Variants in TMC4 observed in about 807,000 individuals in gnomAD.
TMC4 encodes voltage-gated chloride channel TMC4.
In TMC4, 70 loss-of-function variants were observed where a neutral mutation model predicts 82.0. The ratio of observed to expected loss-of-function variants is 0.85; its 90% CI spans 0.70 to 1.04. TMC4 has a LOEUF of 1.04. Among genes scored for constraint, TMC4 ranks in the 50% least tolerant of loss-of-function variants. The pLI, the probability that TMC4 is intolerant of heterozygous loss-of-function variation, is 0.00. For missense variants in TMC4, 879 were observed against 899.0 expected (o/e 0.98, Z 0.28); for synonymous variants, 446 against 406.0 (o/e 1.10, Z -1.18).
rs553094982 is a variant in TMC4, at chr19:54,164,734, C to G, written c.946-133G>C. 20 of 1,212,236 alleles carry G rather than the reference C, an allele frequency of 1.6e-5. No homozygotes were observed. In the East Asian group the frequency reaches 4.5e-4, roughly 27 times the overall value. 75.1% of individuals were successfully genotyped at this position (1,212,236 alleles called of 1,614,324 possible). On this transcript the variant is annotated intron_variant, in intron 6 of 14. Coordinates refer to ENST00000619895, the MANE Select transcript of TMC4 (RefSeq NM_144686.4). ...CCGTCTCCCCACCCGCTAACAACCT[C>G]TGCAGTCCTGGTTCCACCTGCTCCA... is the stretch of plus-strand genomic sequence containing the variant.
chr19:54,163,715 G>T lies in TMC4; in HGVS notation c.1277+9C>A. On this transcript the variant is annotated intron_variant, in intron 8 of 14. Coordinates refer to ENST00000619895, the MANE Select transcript of TMC4 (RefSeq NM_144686.4). The stretch of plus-strand genomic sequence containing the variant: ...TCATCATTCCCAGCCATCCCCGTGA[G>T]GCTGGAACCTGAGCAGGATAAAAAC... 6.2e-7 allele frequency: 1 copy of T among 1,613,988 alleles called. No homozygotes were observed.
chr19:54,161,852 T>C (rs570978883), intron 11 of TMC4, among the ~76,000 whole-genome samples: 60 of 152,212 alleles, frequency 3.9e-4, no homozygotes, highest in Non-Finnish European at 7.9e-4. Flanking sequence ...TACCTGCCTC[T>C]CCTTTTTTCC....
intron 2 of TMC4, 23 bp downstream of exon 2, chr19:54,171,847 C>G (rs773827989): frequency 2.5e-6 from 4 of 1,572,998 alleles, no homozygotes; most frequent in Non-Finnish European, 3.5e-6. Context: ...CTGTGCGGGT[C>G]CCAGCTGGAG....
At chr19:54,169,993 C>A (rs548857694) in intron 2 of TMC4, among the ~76,000 whole-genome samples, 1 of 151,004 alleles carries the variant, frequency 6.6e-6, no homozygotes, top group Non-Finnish European at 1.5e-5. Context: ...CCCAGCTACA[C>A]GAGAGGCTGA....
chr19:54,161,627 C>T (rs2075557796), intron 11 of TMC4, among the ~76,000 whole-genome samples: 1 of 152,244 alleles, frequency 6.6e-6, no homozygotes, highest in South Asian at 2.1e-4. Context: ...CGACCTTCAC[C>T]TCCCTGGTTC....
chr19:54,168,418 G>A (rs1399221601), intron 4 of TMC4, 30 bp downstream of exon 4: 6 of 1,524,724 alleles, frequency 3.9e-6, no homozygotes, highest in Non-Finnish European at 4.4e-6. Flanking sequence ...ACAGGTGGGC[G>A]GGGAATCCCC....
At chr19:54,164,084 C>T (rs1452431682) in intron 7 of TMC4, among the ~76,000 whole-genome samples, 197 bp from the exon 8 acceptor site, 3 of 151,048 alleles carry the variant, frequency 2.0e-5, no homozygotes, top group Non-Finnish European at 4.4e-5. Context: ...AAGTGATTCT[C>T]CTGCCTCAGC....
intron 2 of TMC4, 36 bp downstream of exon 2, chr19:54,171,834 G>T: frequency 6.5e-7 from 1 of 1,549,746 alleles, no homozygotes; most frequent in Non-Finnish European, 8.7e-7. Flanking sequence ...GGCCCGGTCC[G>T]GGCTGTGCGG....
intron 11 of TMC4, among the ~76,000 whole-genome samples, 185 bp downstream of exon 11, chr19:54,161,917 G>C (rs549770389): frequency 6.6e-6 from 1 of 152,098 alleles, no homozygotes; most frequent in East Asian, 1.9e-4. Flanking sequence ...TGAGTCCCCA[G>C]ATCCTCAGAC....
In TMC4 at chr19:54,169,010, A is replaced by ATAT. The variant is rs1169067213; in HGVS notation, c.443-331_443-330insATA. 2.9e-4 allele frequency among the ~76,000 whole-genome samples: 2 copies of ATAT among 6,986 alleles called. 1 individual carries two copies. Among genetic ancestry groups the ATAT allele is most frequent in the African/African-American group, 2.3e-3 (2 of 880 alleles). 4.6% of individuals were successfully genotyped at this position (6,986 alleles called of 152,430 possible). ...TCTCTCTCTCTATATATATATATAT[A>ATAT]TTTTTTTTTTTTTCTTTTCTTTTCT... On this transcript the variant is annotated intron_variant, in intron 3 of 14. Coordinates refer to ENST00000619895, the MANE Select transcript of TMC4 (RefSeq NM_144686.4).
chr19:54,163,977 C>CTTCT (rs1555821654), intron 7 of TMC4, 90 bp from the exon 8 acceptor site: 85 of 1,020,110 alleles, frequency 8.3e-5, no homozygotes, highest in Non-Finnish European at 9.7e-5. Flanking sequence ...TCTTCTTCTT[C>CTTCT]TTTTTTTTTT....
intron 4 of TMC4, 25 bp from the exon 5 acceptor site, chr19:54,168,317 GC>G (rs1568740865): frequency 6.5e-7 from 1 of 1,545,780 alleles, no homozygotes; most frequent in African/African-American, 1.4e-5. Flanking sequence ...CGGCGCAGGG[GC>G]CACTGTGGGA....
At position 54,160,974 on chromosome 19, in the gene TMC4, A is replaced by T; in HGVS notation, c.1877T>A (p.Ile626Asn). 1 of 1,614,198 alleles carries T rather than the reference A, an allele frequency of 6.2e-7. No homozygotes were observed. Among genetic ancestry groups the T allele is most frequent in the Non-Finnish European group, 8.5e-7 (1 of 1,180,044 alleles). ...AGGGAGGCTGGAAATAGACTCAGGG[A>T]TCTGGGCCCAGATGGACGACTGCCC... ...FRGQSSIWAQ[I>N]PESISSLPET... Residue 626 changes from isoleucine to asparagine, a missense_variant, in exon 13 of 15, where the codon ATC (isoleucine) becomes AAC (asparagine). Physicochemically the swap from Ile to Asn is moderately radical, Grantham distance 149. Coordinates refer to ENST00000619895, the MANE Select transcript of TMC4 (RefSeq NM_144686.4).
chr19:54,163,319 T>C (rs2075616713), intron 8 of TMC4, 160 bp from the exon 9 acceptor site: 8 of 1,035,450 alleles, frequency 7.7e-6, no homozygotes, highest in Non-Finnish European at 9.5e-6. Flanking sequence ...TTTTTTTTTT[T>C]TTTTTTTTTG....
chr19:54,172,220 C>G (rs1036665472), intron 1 of TMC4, 137 bp from the exon 2 acceptor site: 5 of 444,400 alleles, frequency 1.1e-5, no homozygotes, highest in Non-Finnish European at 2.0e-5. Flanking sequence ...CTCCCTCAGA[C>G]CCAGGAGTCC....
At chr19:54,162,386 TG>T (rs67618081) in intron 10 of TMC4, 101 bp from the exon 11 acceptor site, 3 of 350,858 alleles carry the variant, frequency 8.6e-6, no homozygotes, top group Non-Finnish European at 9.7e-6. Context: ...TGCGTATTGG[TG>T]GTGGGGGGGG....
At chr19:54,169,887 C>T (rs983664436) in intron 2 of TMC4, among the ~76,000 whole-genome samples, 6 of 151,034 alleles carry the variant, frequency 4.0e-5, no homozygotes, top group East Asian at 1.9e-4. Flanking sequence ...GTCAGGAGTT[C>T]GAGACCAGCC....
Position 54,162,193 on chromosome 19 carries a change from G to A in TMC4, c.1595C>T (p.Ala532Val), listed in dbSNP as rs2075572189. ...ACTCCCCACCCAGACCACCGTCTGC[G>A]CGTAGATGAGCCCCAGCACCTCGTC... ...VPDEVLGLIY[A>V]QTVVWVGSFF... The change falls in exon 11 of 15, where the codon GCG becomes GTG. Residue 532 changes from alanine to valine, a missense_variant. Ala to Val is a moderately conservative substitution (Grantham distance 64, BLOSUM62 0). Coordinates refer to ENST00000619895, the MANE Select transcript of TMC4 (RefSeq NM_144686.4). The A allele has an allele frequency of 6.2e-7, 1 of 1,613,584 alleles. No individual in the cohort carries two copies. Among genetic ancestry groups the A allele is most frequent in the Non-Finnish European group, 8.5e-7 (1 of 1,179,820 alleles).
At position 54,163,873 on chromosome 19, in the gene TMC4, G is replaced by A. The variant is rs1463234967; in HGVS notation, c.1128C>T (p.Val376=). ...CAAGCTTCAGCAGTGGCAACTCCTGGACAAGGGGCATCTCCTGGGAGCGGG... is the reference window on the plus strand; with the variant it reads ...CAAGCTTCAGCAGTGGCAACTCCTGAACAAGGGGCATCTCCTGGGAGCGGG... The part of the protein sequence containing the change: ...CTVELQEMPL[V]QELPLLKLGV... Residue 376 remains valine (V), a synonymous_variant, in exon 8 of 15, where the codon GTC becomes GTT. Transcript: ENST00000619895. The A allele has an allele frequency of 6.2e-7, 1 of 1,614,044 alleles. No individual in the cohort carries two copies. Among genetic ancestry groups the A allele is most frequent in the Admixed American group, 1.7e-5 (1 of 59,996 alleles).
Sources: allele counts gnomAD v4.1 joint callset (sites outside exome capture counted in the v4.1 genomes callset), GRCh38; gene constraint gnomAD v4.1.1; transcripts MANE v1.5; gene names NCBI Gene and HGNC (gene_info 2026-07-23, HGNC 2026-07-21).